The following TINAG variants were observed in gnomAD, a reference collection of about 807,000 sequenced individuals.
TINAG encodes the protein tubulointerstitial nephritis antigen.
TINAG carries 83 observed loss-of-function variants against 72.7 expected under a neutral mutation model. The ratio of observed to expected loss-of-function variants is 1.14; its 90% CI spans 0.96 to 1.37. TINAG has a LOEUF of 1.37. Ranked by LOEUF, TINAG falls within the 40% of genes most tolerant of loss-of-function variation. The pLI, the probability that TINAG is intolerant of heterozygous loss-of-function variation, is 0.00. For missense variants in TINAG, 685 were observed against 576.6 expected (o/e 1.19, Z -1.93); for synonymous variants, 234 against 189.9 (o/e 1.23, Z -1.91).
chr6:54,337,246 A>ATTTTTTTTTTT (rs34286210), intron 4 of TINAG, among the ~76,000 whole-genome samples: 2 of 94,086 alleles, frequency 2.1e-5, no homozygotes, highest in East Asian at 3.3e-4. Context: ...TGGGATTTGA[A>ATTTTTTTTTTT]TTTTTTTTTT....
rs574278520 is a variant in TINAG, at chr6:54,383,355, A to G, written c.1296+2784A>G. On this transcript the variant is annotated intron_variant, in intron 10 of 10. Transcript: ENST00000259782. ...TTTCAAAGCATTTACAAATAGTCCT[A>G]TGATATAAACCTATTTTTATAATAA... 5.3e-5 allele frequency among the ~76,000 whole-genome samples: 8 copies of G among 152,294 alleles called. No individual in the cohort carries two copies. The East Asian group carries it at 1.5e-3, about 29-fold the overall frequency.
intron 1 of TINAG, among the ~76,000 whole-genome samples, chr6:54,312,043 CT>C (rs888737025): frequency 1.0e-4 from 15 of 150,740 alleles, no homozygotes; most frequent in East Asian, 3.9e-4. Context: ...TTTTGTATTG[CT>C]TTTTTTTTGT....
At chr6:54,379,333 C>T (rs997846787) in intron 9 of TINAG, among the ~76,000 whole-genome samples, 2 of 152,152 alleles carry the variant, frequency 1.3e-5, no homozygotes, top group Non-Finnish European at 2.9e-5. Context: ...TTGGACAAGT[C>T]TCCATTATCT....
intron 4 of TINAG, among the ~76,000 whole-genome samples, chr6:54,334,661 T>C (rs1260794148): frequency 6.6e-6 from 1 of 152,182 alleles, no homozygotes; most frequent in Non-Finnish European, 1.5e-5. Flanking sequence ...ACAGAATTAT[T>C]TATATTCATA....
At chr6:54,319,597 C>T (rs900747783) in intron 1 of TINAG, among the ~76,000 whole-genome samples, 4 of 152,044 alleles carry the variant, frequency 2.6e-5, no homozygotes, top group African/African-American at 9.7e-5. Flanking sequence ...TTTTTTATTA[C>T]AATATTTTTT....
intron 9 of TINAG, among the ~76,000 whole-genome samples, chr6:54,370,867 T>C (rs1046661750): frequency 6.6e-6 from 1 of 152,134 alleles, no homozygotes; most frequent in African/African-American, 2.4e-5. Flanking sequence ...CCATTTGTTT[T>C]GTCTTGTTTG....
At chr6:54,314,631 ATTTGGATGTCTGCCT>A (rs1562145265) in intron 1 of TINAG, among the ~76,000 whole-genome samples, 1 of 152,158 alleles carries the variant, frequency 6.6e-6, no homozygotes, top group Non-Finnish European at 1.5e-5. Context: ...CACAGTGGCT[ATTTGGATGTCTGCCT>A]TTTGATTAGT....
intron 9 of TINAG, among the ~76,000 whole-genome samples, chr6:54,378,926 G>T (rs1231514761): frequency 1.3e-5 from 2 of 151,932 alleles, no homozygotes; most frequent in Non-Finnish European, 2.9e-5. Flanking sequence ...ATTATATTTT[G>T]TGTGTGTGTG....
At chr6:54,360,221 A>G (rs1439314910) in intron 9 of TINAG, among the ~76,000 whole-genome samples, 1 of 147,900 alleles carries the variant, frequency 6.8e-6, no homozygotes, top group Non-Finnish European at 1.5e-5. Context: ...ATTTGCTCCT[A>G]GTAGCCTTAT....
At chr6:54,344,514 G>A (rs562900021) in intron 5 of TINAG, among the ~76,000 whole-genome samples, 3 of 152,168 alleles carry the variant, frequency 2.0e-5, no homozygotes, top group African/African-American at 7.2e-5. Context: ...GATGGGTGGA[G>A]AGAGGTTTAA....
chr6:54,375,869 A>G (rs1350906338), intron 9 of TINAG, among the ~76,000 whole-genome samples: 1 of 152,146 alleles, frequency 6.6e-6, no homozygotes, highest in Non-Finnish European at 1.5e-5. Context: ...GTCTTTCTAA[A>G]AGATAATCCG....
chr6:54,369,255 TG>T (rs1318861206), intron 9 of TINAG, among the ~76,000 whole-genome samples: 3 of 151,856 alleles, frequency 2.0e-5, no homozygotes, highest in African/African-American at 7.2e-5. Context: ...ACTTTTTGCT[TG>T]TAAAAAGATG....
intron 1 of TINAG, among the ~76,000 whole-genome samples, chr6:54,310,883 C>A (rs1483334588): frequency 1.2e-5 from 1 of 81,938 alleles, no homozygotes; most frequent in East Asian, 3.8e-4. Flanking sequence ...CTTTTTTTCT[C>A]TCTCTATTTC....
intron 9 of TINAG, chr6:54,366,858 A>G (rs1763442044): frequency 6.6e-6 from 1 of 151,646 alleles, no homozygotes; most frequent in Non-Finnish European, 1.5e-5. Flanking sequence ...GAAATGCCTA[A>G]TCTCACAGGG....
chr6:54,360,673 T>C, intron 9 of TINAG, among the ~76,000 whole-genome samples: 1 of 151,432 alleles, frequency 6.6e-6, no homozygotes, highest in Non-Finnish European at 1.5e-5. Flanking sequence ...ATAACTTAAA[T>C]GAATAAATTC....
At chr6:54,377,810 G>A (rs1267636496) in intron 9 of TINAG, among the ~76,000 whole-genome samples, 1 of 152,046 alleles carries the variant, frequency 6.6e-6, no homozygotes, top group Non-Finnish European at 1.5e-5. Flanking sequence ...CATATATTAG[G>A]AAAAAATGCC....
At chr6:54,381,929 T>C (rs1056641899) in intron 10 of TINAG, among the ~76,000 whole-genome samples, 1 of 151,996 alleles carries the variant, frequency 6.6e-6, no homozygotes, top group Admixed American at 6.6e-5. Flanking sequence ...CAGAGGAAAA[T>C]GTTTTGTGAT....
chr6:54,380,894 A>G (rs3777635), intron 10 of TINAG, among the ~76,000 whole-genome samples: 2,813 of 150,386 alleles, frequency 0.019, 205 homozygotes, highest in Admixed American at 0.13. Context: ...ATATATTTAT[A>G]TGGCAATGAA....
chr6:54,350,350 C>T (rs563046663), intron 7 of TINAG, among the ~76,000 whole-genome samples: 1 of 152,060 alleles, frequency 6.6e-6, no homozygotes, highest in Non-Finnish European at 1.5e-5. Flanking sequence ...GGCGAATTTA[C>T]TTCTTCATAT....
Sources: allele counts gnomAD v4.1 joint callset (sites outside exome capture counted in the v4.1 genomes callset), GRCh38; gene constraint gnomAD v4.1.1; transcripts MANE v1.5; gene names NCBI Gene and HGNC (gene_info 2026-07-23, HGNC 2026-07-21).